FNDC3B: variants seen among roughly 807,000 people sequenced by gnomAD.
The protein encoded by FNDC3B is fibronectin type III domain containing 3B.
A neutral mutation model predicts 151.5 loss-of-function variants in FNDC3B; 12 were observed. The ratio of observed to expected loss-of-function variants is 0.08; its 90% CI spans 0.05 to 0.13. The LOEUF (loss-of-function observed/expected upper bound fraction) is 0.13. Ranked by LOEUF, FNDC3B falls within the 10% of genes least tolerant of loss-of-function variation. The probability of loss-of-function intolerance (pLI) is 1.00; values close to 1 mark genes in which losing one functional copy is unlikely to be tolerated. For synonymous variants in FNDC3B, 528 were observed against 549.0 expected, an observed-to-expected ratio of 0.96 and a Z score of 0.54; for missense variants, 1,214 against 1,505.3, an observed-to-expected ratio of 0.81 and a Z score of 3.20.
In FNDC3B at chr3:172,378,419, TC is replaced by T. The variant is rs769012096; in HGVS notation, c.3165del (p.Thr1056ProfsTer7). On this transcript the variant is annotated frameshift_variant, in exon 24 of 26. Coordinates refer to ENST00000415807, the MANE Select transcript of FNDC3B (RefSeq NM_022763.4). LOFTEE classifies it high-confidence loss of function. ...TATACCTTCAGCACAACCAAAAGTG[TC>T]CCCCCCACCATCAAAGGTGTGTAGA... ...ETYTFSTTKSVPPTIKAPRVT... is the reference protein window; with the variant it reads ...ETYTFSTTKSXPPTIKAPRVT... 3 of 1,611,294 alleles carry T rather than the reference TC, an allele frequency of 1.9e-6. No individual in the cohort carries two copies. Among genetic ancestry groups the T allele is most frequent in the Admixed American group, 1.7e-5 (1 of 59,442 alleles).
At chr3:172,149,677 CT>C (rs1722107679) in intron 3 of FNDC3B, among the ~76,000 whole-genome samples, 1 of 151,712 alleles carries the variant, frequency 6.6e-6, no homozygotes, top group Non-Finnish European at 1.5e-5. Context: ...ATAAATTTCT[CT>C]AAAATTTTAT....
chr3:172,223,744 G>A (rs1726408143), intron 3 of FNDC3B, among the ~76,000 whole-genome samples: 1 of 151,892 alleles, frequency 6.6e-6, no homozygotes, highest in Admixed American at 6.6e-5. Context: ...ATGTTGCATG[G>A]GTGTGGAATA....
intron 25 of FNDC3B, among the ~76,000 whole-genome samples, chr3:172,393,909 C>T (rs1045723489): frequency 2.6e-5 from 4 of 151,544 alleles, no homozygotes; most frequent in Non-Finnish European, 5.9e-5. Context: ...GAGATGGAGA[C>T]CATCCTGGCT....
intron 23 of FNDC3B, among the ~76,000 whole-genome samples, chr3:172,371,667 A>G (rs1734890115): frequency 6.6e-6 from 1 of 152,196 alleles, no homozygotes; most frequent in South Asian, 2.1e-4. Context: ...CTCTCTAAGT[A>G]AAAATGCCCG....
intron 3 of FNDC3B, among the ~76,000 whole-genome samples, chr3:172,156,788 GTGGAAA>G (rs1340644325): frequency 1.3e-5 from 2 of 150,402 alleles, no homozygotes; most frequent in African/African-American, 2.5e-5. Flanking sequence ...TGATCTTGAT[GTGGAAA>G]TGAACCGTAT....
chr3:172,328,138 T>C (rs571643429), intron 11 of FNDC3B, among the ~76,000 whole-genome samples: 20 of 152,348 alleles, frequency 1.3e-4, no homozygotes, highest in Non-Finnish European at 2.5e-4. Flanking sequence ...GTTTTATTTT[T>C]ACTTTAACGA....
At chr3:172,222,820 T>C (rs924317186) in intron 3 of FNDC3B, among the ~76,000 whole-genome samples, 7 of 152,206 alleles carry the variant, frequency 4.6e-5, no homozygotes, top group African/African-American at 1.7e-4. Flanking sequence ...TGGGCGCCCC[T>C]GCTCTTGGGG....
chr3:172,066,845 AT>A (rs1312852770), intron 1 of FNDC3B, among the ~76,000 whole-genome samples: 5 of 152,320 alleles, frequency 3.3e-5, no homozygotes, highest in African/African-American at 1.2e-4. Context: ...TATACTTTTA[AT>A]TGGTTGCACG....
intron 1 of FNDC3B, among the ~76,000 whole-genome samples, chr3:172,044,740 G>T (rs1356821797): frequency 6.6e-6 from 1 of 152,174 alleles, no homozygotes; most frequent in Non-Finnish European, 1.5e-5. Flanking sequence ...GTCCTAGTGA[G>T]TGTGACAAAT....
chr3:172,124,378 A>G (rs9873139), intron 2 of FNDC3B, among the ~76,000 whole-genome samples: 6,232 of 152,336 alleles, frequency 0.041, 401 homozygotes, highest in African/African-American at 0.14. Flanking sequence ...GGCGTGAGCC[A>G]CCACGCCTGG....
intron 3 of FNDC3B, among the ~76,000 whole-genome samples, chr3:172,196,456 G>C (rs978476841): frequency 6.6e-6 from 1 of 152,072 alleles, no homozygotes; most frequent in Non-Finnish European, 1.5e-5. Flanking sequence ...AAAGTACTGG[G>C]ATTAGAGTCT....
chr3:172,069,762 T>A (rs1427686453), intron 1 of FNDC3B, among the ~76,000 whole-genome samples: 1 of 152,216 alleles, frequency 6.6e-6, no homozygotes, highest in East Asian at 1.9e-4. Flanking sequence ...TAATTGGCCT[T>A]TTCCCCTTTC....
chr3:172,061,234 T>G (rs1022144295), intron 1 of FNDC3B, among the ~76,000 whole-genome samples: 1 of 141,548 alleles, frequency 7.1e-6, no homozygotes, highest in Non-Finnish European at 1.6e-5. Flanking sequence ...TGCACATTAC[T>G]TTTTTTTTTT....
chr3:172,112,707 GGTAA>G (rs1720038170), intron 2 of FNDC3B, 117 bp downstream of exon 2: 1 of 740,634 alleles, frequency 1.4e-6, no homozygotes, highest in African/African-American at 1.7e-5. Context: ...CATTTCTAGA[GGTAA>G]GTGTTTTTGT....
At chr3:172,043,749 T>G (rs1400907369) in intron 1 of FNDC3B, among the ~76,000 whole-genome samples, 2 of 152,230 alleles carry the variant, frequency 1.3e-5, no homozygotes, top group Non-Finnish European at 2.9e-5. Context: ...AAACAATGTT[T>G]ACATGTCATA....
chr3:172,208,837 A>G (rs975389908), intron 3 of FNDC3B, among the ~76,000 whole-genome samples: 5 of 152,270 alleles, frequency 3.3e-5, no homozygotes, highest in Admixed American at 6.5e-5. Context: ...CACTGTGCAC[A>G]GCTAGGCATT....
At chr3:172,363,495 A>T (rs549619557) in intron 23 of FNDC3B, among the ~76,000 whole-genome samples, 1 of 152,306 alleles carries the variant, frequency 6.6e-6, no homozygotes, top group African/African-American at 2.4e-5. Context: ...ATCCAATGTC[A>T]AGCAAAAGTT....
At chr3:172,063,373 T>A (rs1041003542) in intron 1 of FNDC3B, among the ~76,000 whole-genome samples, 1 of 152,202 alleles carries the variant, frequency 6.6e-6, no homozygotes, top group Non-Finnish European at 1.5e-5. Flanking sequence ...TTTTCTTTGA[T>A]AGTGATATCT....
chr3:172,104,323 G>T (rs1719521968), intron 1 of FNDC3B, among the ~76,000 whole-genome samples: 2 of 151,370 alleles, frequency 1.3e-5, no homozygotes, highest in African/African-American at 4.9e-5. Context: ...CTGAAGTTCA[G>T]AGCTAATTAT....
Sources: allele counts gnomAD v4.1 joint callset (sites outside exome capture counted in the v4.1 genomes callset), GRCh38; gene constraint gnomAD v4.1.1; transcripts MANE v1.5; gene names NCBI Gene and HGNC (gene_info 2026-07-23, HGNC 2026-07-21).